SMPDL3A: variants seen among roughly 807,000 people sequenced by gnomAD.
SMPDL3A encodes sphingomyelin phosphodiesterase acid like 3A, also known as cyclic GMP-AMP phosphodiesterase SMPDL3A.
SMPDL3A carries 39 observed loss-of-function variants against 38.5 expected under a neutral mutation model. The observed-to-expected ratio is 1.01, with a 90% CI of 0.78 to 1.32. The LOEUF (loss-of-function observed/expected upper bound fraction) is 1.32. Among genes scored for constraint, SMPDL3A ranks in the 40% most tolerant of loss-of-function variants. SMPDL3A has a pLI of 0.00. For missense variants in SMPDL3A, 502 were observed against 536.2 expected, an observed-to-expected ratio of 0.94 and a Z score of 0.63; for synonymous variants, 180 against 194.3, an observed-to-expected ratio of 0.93 and a Z score of 0.61.
chr6:122,806,592 A>G (rs532105822), intron 7 of SMPDL3A, among the ~76,000 whole-genome samples: 2 of 152,262 alleles, frequency 1.3e-5, no homozygotes, highest in South Asian at 4.1e-4. Flanking sequence ...CTTCACATTT[A>G]TTTAGATGCT....
intron 4 of SMPDL3A, among the ~76,000 whole-genome samples, chr6:122,802,451 C>T (rs564105207): frequency 6.6e-6 from 1 of 152,206 alleles, no homozygotes; most frequent in South Asian, 2.1e-4. Flanking sequence ...ATCCACCTGC[C>T]TCAGCCTCCC....
At chr6:122,789,571 C>T (rs914212655) in intron 1 of SMPDL3A, 113 bp downstream of exon 1, 1 of 1,027,450 alleles carries the variant, frequency 9.7e-7, no homozygotes, top group Non-Finnish European at 1.4e-6. Context: ...GAGGCTCGGG[C>T]TAGCGGGGCC....
At chr6:122,802,293 C>T (rs1361896437) in intron 4 of SMPDL3A, among the ~76,000 whole-genome samples, 1 of 151,286 alleles carries the variant, frequency 6.6e-6, no homozygotes, top group Non-Finnish European at 1.5e-5. Context: ...CCTCTGCCTC[C>T]TGGTTTCAAG....
intron 1 of SMPDL3A, among the ~76,000 whole-genome samples, chr6:122,792,833 C>T (rs1308101494): frequency 6.6e-6 from 1 of 152,116 alleles, no homozygotes. Flanking sequence ...CTTCCTGCCT[C>T]AGCCTCCCAA....
At chr6:122,794,287 G>A (rs1316733114) in intron 1 of SMPDL3A, among the ~76,000 whole-genome samples, 1 of 152,090 alleles carries the variant, frequency 6.6e-6, no homozygotes, top group East Asian at 1.9e-4. Context: ...ATTTGTTCTA[G>A]TATTACCTTC....
chr6:122,792,637 C>CT lies in SMPDL3A; in HGVS notation c.113-3040_113-3039insT, dbSNP rs1562346906. 7.6e-5 allele frequency among the ~76,000 whole-genome samples: 11 copies of CT among 145,676 alleles called. No homozygotes were observed. The East Asian group carries it at 1.4e-3, about 18-fold the overall frequency. The stretch of plus-strand genomic sequence containing the variant: ...TATCTGTTTTCTTTCTTCTTCTTCC[C>CT]CTTTTTTTTTTTTTTTTAGAGACAG... On this transcript the variant is annotated intron_variant, in intron 1 of 7. Coordinates refer to ENST00000368440, the MANE Select transcript of SMPDL3A (RefSeq NM_006714.5).
At chr6:122,809,001 T>C in intron 7 of SMPDL3A, 90 bp from the exon 8 acceptor site, 1 of 1,047,804 alleles carries the variant, frequency 9.5e-7, no homozygotes, top group Non-Finnish European at 1.4e-6. Context: ...GCCTAAAATG[T>C]CACAGAAATT....
chr6:122,801,125 T>C (rs1781416722), intron 3 of SMPDL3A, among the ~76,000 whole-genome samples, 185 bp from the exon 4 acceptor site: 1 of 152,216 alleles, frequency 6.6e-6, no homozygotes, highest in Non-Finnish European at 1.5e-5. Context: ...TGTCTTATAG[T>C]TAATTGGTTA....
At chr6:122,803,872 A>C (rs1231541080) in intron 5 of SMPDL3A, 39 bp downstream of exon 5, 2 of 1,570,384 alleles carry the variant, frequency 1.3e-6, no homozygotes, top group African/African-American at 2.7e-5. Context: ...GAATAAACGG[A>C]AGGCAAAATT....
chr6:122,790,431 T>C (rs1293240044), intron 1 of SMPDL3A, among the ~76,000 whole-genome samples: 2 of 152,204 alleles, frequency 1.3e-5, no homozygotes, highest in African/African-American at 4.8e-5. Flanking sequence ...ATTGCACTGT[T>C]AAGAGGAAAA....
chr6:122,795,924 A>AT, intron 2 of SMPDL3A, 34 bp downstream of exon 2: 1 of 1,439,544 alleles, frequency 6.9e-7, no homozygotes, highest in Non-Finnish European at 9.7e-7. Context: ...TAATTACTCA[A>AT]TATTTATTTA....
At chr6:122,790,007 G>A in intron 1 of SMPDL3A, 1 of 277,588 alleles carries the variant, frequency 3.6e-6, no homozygotes, top group South Asian at 1.4e-4. Context: ...AAGCACCCTC[G>A]GGTAGACTCA....
At chr6:122,804,503 A>T (rs1004447468) in intron 5 of SMPDL3A, among the ~76,000 whole-genome samples, 51 of 150,240 alleles carry the variant, frequency 3.4e-4, no homozygotes, top group African/African-American at 1.2e-3. Flanking sequence ...TAGAGACAAG[A>T]TTTCACCATG....
chr6:122,800,737 TG>T (rs67399389), intron 3 of SMPDL3A, among the ~76,000 whole-genome samples: 21,310 of 144,608 alleles, frequency 0.15, 1,905 homozygotes, highest in East Asian at 0.36. Context: ...ACACCTTTTT[TG>T]TTTGTTTGTT....
At position 122,792,645 on chromosome 6, in the gene SMPDL3A, T is replaced by TG. The variant is rs1318352231; in HGVS notation, c.113-3032_113-3031insG. ...TTCTTTCTTCTTCTTCCCCTTTTTT[T>TG]TTTTTTTTTAGAGACAGGGTCTCTG... On this transcript the variant is annotated intron_variant, in intron 1 of 7. Coordinates refer to ENST00000368440, the MANE Select transcript of SMPDL3A (RefSeq NM_006714.5). 2.0e-5 allele frequency among the ~76,000 whole-genome samples: 3 copies of TG among 151,622 alleles called. No individual in the cohort carries two copies. In the East Asian group the frequency reaches 5.8e-4, roughly 29 times the overall value.
At chr6:122,804,760 A>G (rs1317464998) in intron 5 of SMPDL3A, 149 bp from the exon 6 acceptor site, 1 of 646,140 alleles carries the variant, frequency 1.5e-6, no homozygotes, top group African/African-American at 1.9e-5. Context: ...TTATAATTTC[A>G]TCTCTTTTTC....
At chr6:122,806,385 C>T in intron 7 of SMPDL3A, 28 bp downstream of exon 7, 2 of 1,580,622 alleles carry the variant, frequency 1.3e-6, no homozygotes, top group South Asian at 1.2e-5. Flanking sequence ...AGAGCTGACC[C>T]CATATTTATG....
chr6:122,803,532 C>A, intron 4 of SMPDL3A, 132 bp from the exon 5 acceptor site: 2 of 653,290 alleles, frequency 3.1e-6, no homozygotes, highest in Non-Finnish European at 5.2e-6. Flanking sequence ...GACAGCCTAT[C>A]TATGTGCAAA....
At chr6:122,798,979 A>C (rs183759017) in intron 3 of SMPDL3A, among the ~76,000 whole-genome samples, 1 of 152,228 alleles carries the variant, frequency 6.6e-6, no homozygotes. Context: ...CAAATGTAAC[A>C]TGAAAGCTCC....
Sources: gnomAD v4.1 joint callset for allele counts (sites outside exome capture counted in the v4.1 genomes callset) on GRCh38, gnomAD v4.1.1 for gene constraint, MANE v1.5 for transcripts, NCBI Gene and HGNC (gene_info 2026-07-23, HGNC 2026-07-21) for gene names.